The following SFI1 variants were observed in gnomAD, a reference collection of about 807,000 sequenced individuals.
SFI1 encodes the protein SFI1 centrin binding protein.
SFI1 carries 195 observed loss-of-function variants against 207.5 expected under a neutral mutation model. That is an observed-to-expected ratio of 0.94 (90% CI 0.84 to 1.06). The LOEUF (loss-of-function observed/expected upper bound fraction) is 1.06, where lower values mean the gene tolerates loss of function less well. Ranked by LOEUF, SFI1 falls within the 50% of genes least tolerant of loss-of-function variation. The pLI, the probability that SFI1 is intolerant of heterozygous loss-of-function variation, is 0.00. For missense variants in SFI1, 1,634 were observed against 1,588.0 expected, an observed-to-expected ratio of 1.03 and a Z score of -0.49; for synonymous variants, 630 against 598.9, an observed-to-expected ratio of 1.05 and a Z score of -0.76.
Position 31,589,556 on chromosome 22 carries a change from C to T in SFI1, c.1523C>T (p.Ala508Val). ...RWRHQENVLS[A>V]RATRFHRETL... ...CGCCACCAGGAAAATGTCCTCAGTG[C>T]AAGAGCAACACGTTTCCACAGGTAT... is the stretch of plus-strand genomic sequence containing the variant. Residue 508 changes from alanine to valine, a missense_variant, in exon 15 of 33, where the codon GCA becomes GTA. Physicochemically the swap from Ala to Val is moderately conservative, Grantham distance 64 (BLOSUM62 0). Transcript: ENST00000400288. 1.2e-6 allele frequency: 2 copies of T among 1,613,454 alleles called. No individual in the cohort carries two copies. Among genetic ancestry groups the T allele is most frequent in the Non-Finnish European group, 1.7e-6 (2 of 1,179,880 alleles).
intron 8 of SFI1, 112 bp from the exon 9 acceptor site, chr22:31,572,946 T>C (rs2145846385): frequency 9.0e-7 from 1 of 1,114,300 alleles, no homozygotes; most frequent in East Asian, 2.4e-5. Context: ...CACTTCCTTG[T>C]TTCTAATTTC....
rs1164909840 is a variant in SFI1, at chr22:31,496,642, G to A, written c.-31+5G>A. On this transcript the variant is annotated splice_donor_5th_base_variant and intron_variant, in intron 1 of 32. Transcript: ENST00000400288. ...CCGATGGCTCGGCTTCCCCAGGTAC[G>A]AGGCCCGGCCCTAACGTCCCCACCC... The A allele has an allele frequency of 1.3e-5, 2 of 152,306 alleles. No homozygotes were observed. The highest frequency in any genetic ancestry group is 1.3e-4 in the Admixed American group (2 of 15,288). The allele number at this position is 152,306 out of a possible 1,614,324, so 9.4% of individuals were successfully genotyped here. A position where few individuals can be genotyped will look rare whatever the true frequency, so the allele number is the denominator to read the frequency against.
rs1023474233 is a variant in SFI1 at position 31,546,628 on chromosome 22, C to CTTTT, written c.339-216_339-213dup. 1.2e-3 allele frequency among the ~76,000 whole-genome samples: 148 copies of CTTTT among 120,194 alleles called. 1 individual carries two copies. The highest frequency in any genetic ancestry group is 2.3e-3 in the African/African-American group (76 of 32,616). The allele number at this position is 120,194 out of a possible 152,430, so 78.9% of individuals were successfully genotyped here. A position where few individuals can be genotyped will look rare whatever the true frequency, so the allele number is the denominator to read the frequency against. On this transcript the variant is annotated intron_variant, in intron 4 of 32. Coordinates refer to ENST00000400288, the MANE Select transcript of SFI1 (RefSeq NM_001007467.3). ...AGGCACTGCGCCCGACCGATGTTTA[C>CTTTT]TTTTTTTTTTTTTTTTTTTTAGTAG...
intron 22 of SFI1, among the ~76,000 whole-genome samples, chr22:31,608,651 GAAA>G (rs1556355284): frequency 1.0e-3 from 83 of 80,004 alleles, no homozygotes; most frequent in African/African-American, 5.0e-3. Context: ...GAGAAATAAA[GAAA>G]AGAAGCTGGA....
At chr22:31,538,730 C>G (rs1172036474) in intron 4 of SFI1, 2 of 152,256 alleles carry the variant, frequency 1.3e-5, no homozygotes, top group Non-Finnish European at 2.9e-5. Context: ...GTTCTAGTTA[C>G]CATCCTCTTG....
intron 1 of SFI1, among the ~76,000 whole-genome samples, chr22:31,498,507 T>A (rs538302434): frequency 4.1e-4 from 62 of 151,164 alleles, no homozygotes; most frequent in African/African-American, 1.5e-3. Flanking sequence ...AAAAATTAGC[T>A]GGGTGTGGTG....
intron 11 of SFI1, among the ~76,000 whole-genome samples, chr22:31,579,058 C>G (rs1188346143): frequency 6.6e-6 from 1 of 152,150 alleles, no homozygotes; most frequent in African/African-American, 2.4e-5. Flanking sequence ...CTTCTGGGCT[C>G]AAGCAATCCT....
intron 4 of SFI1, among the ~76,000 whole-genome samples, chr22:31,544,759 A>G (rs917004197): frequency 4.6e-5 from 7 of 152,158 alleles, no homozygotes; most frequent in Non-Finnish European, 1.0e-4. Flanking sequence ...TGTCTCCAAA[A>G]AAAAGTCAGA....
At chr22:31,587,301 A>ATTTGTTTTTTTT (rs57657629) in intron 14 of SFI1, 92 of 351,568 alleles carry the variant, frequency 2.6e-4, no homozygotes, top group Non-Finnish European at 3.9e-4. Context: ...ATGCCAATTT[A>ATTTGTTTTTTTT]TTTGTTTTGT....
At position 31,613,485 on chromosome 22, in the gene SFI1, C is replaced by T. The variant is rs375385233; in HGVS notation, c.2697C>T (p.Ser899=). ...CGCGGCTCCTGCGCTTTGCAGCCAGCATGAAGGCCTCCCGGCAGCAGCTGC... is the reference window on the plus strand; with the variant it reads ...CGCGGCTCCTGCGCTTTGCAGCCAGTATGAAGGCCTCCCGGCAGCAGCTGC... The part of the protein sequence containing the change: ...GATRLLRFAA[S]MKASRQQLQA... The change falls in exon 26 of 33, where the codon AGC becomes AGT. Residue 899 remains serine, a synonymous_variant. Transcript: ENST00000400288. 3.3e-4 allele frequency: 523 copies of T among 1,598,414 alleles called. 1 individual carries two copies. Among genetic ancestry groups the T allele is most frequent in the Admixed American group, 6.4e-4 (38 of 59,288 alleles).
intron 2 of SFI1, among the ~76,000 whole-genome samples, chr22:31,523,794 G>C (rs541633953): frequency 3.3e-5 from 5 of 152,216 alleles, no homozygotes; most frequent in African/African-American, 1.2e-4. Context: ...CTTCAAATCT[G>C]TGGAATCAGG....
intron 20 of SFI1, chr22:31,605,171 T>C (rs2068759333): frequency 2.6e-6 from 1 of 384,104 alleles, no homozygotes; most frequent in Non-Finnish European, 4.7e-6. Flanking sequence ...GTTACCTGCA[T>C]GCCTTAAAGG....
chr22:31,582,377 A>G (rs2064443962), intron 12 of SFI1, among the ~76,000 whole-genome samples: 1 of 145,072 alleles, frequency 6.9e-6, no homozygotes, highest in Non-Finnish European at 1.5e-5. Flanking sequence ...TCAGCCTCCC[A>G]GGTAGCTGGG....
chr22:31,553,551 T>TTTTC, intron 6 of SFI1, among the ~76,000 whole-genome samples: 1 of 139,230 alleles, frequency 7.2e-6, no homozygotes, highest in African/African-American at 2.7e-5. Context: ...TTTTTTTTTT[T>TTTTC]CAGTAGAGAC....
chr22:31,513,561 C>CGTTTTGTTTTGTTCT (rs2055960713), intron 2 of SFI1, among the ~76,000 whole-genome samples: 4 of 146,132 alleles, frequency 2.7e-5, no homozygotes, highest in African/African-American at 7.6e-5. Flanking sequence ...TTTGGTTTTT[C>CGTTTTGTTTTGTTCT]GTTTTGTTTT....
rs2071212931 is a variant in SFI1 at position 31,615,254 on chromosome 22, C to T, written c.3275C>T (p.Pro1092Leu). 2.6e-6 allele frequency: 4 copies of T among 1,510,564 alleles called. No individual in the cohort carries two copies. The highest frequency in any genetic ancestry group is 3.5e-6 in the Non-Finnish European group (4 of 1,136,730). 93.6% of individuals were successfully genotyped at this position (1,510,564 alleles called of 1,614,324 possible). Residue 1092 changes from proline (P) to leucine (L), a missense_variant, in exon 29 of 33, where the codon CCC becomes CTC. Pro to Leu is a moderately conservative substitution (Grantham distance 98). Transcript: ENST00000400288. ...CTGCTGCCTCTTTCCTCCTTCATGC[C>T]CTGCGGGGCGGCTGCACCAGCCAGG... ...LLLLPLSSFMPCGAAAPARVS... is the reference protein window; with the variant it reads ...LLLLPLSSFMLCGAAAPARVS...
In SFI1 at chr22:31,553,513, C is replaced by A. The variant is rs193128642; in HGVS notation, c.544+3165C>A. ...TGGGACTACATGGTGCGCTACCATG[C>A]CCAGCTAATTTTTGTATTTTTTTTT... is the stretch of plus-strand genomic sequence containing the variant. On this transcript the variant is annotated intron_variant, in intron 6 of 32. Transcript: ENST00000400288. Among the ~76,000 whole-genome samples, 1,449 of 149,368 alleles carry A rather than the reference C, an allele frequency of 9.7e-3. 7 individuals carry two copies. The highest frequency in any genetic ancestry group is 0.031 in the Middle Eastern group (9 of 292).
At chr22:31,609,517 TAAATTGGCCCATAGAG>T (rs1314283769) in intron 22 of SFI1, among the ~76,000 whole-genome samples, 3 of 152,236 alleles carry the variant, frequency 2.0e-5, no homozygotes, top group Non-Finnish European at 2.9e-5. Context: ...AGAAATTGTT[TAAATTGGCCCATAGAG>T]AAATTGACCA....
chr22:31,608,294 C>A (rs971767730), intron 22 of SFI1, among the ~76,000 whole-genome samples: 1 of 152,162 alleles, frequency 6.6e-6, no homozygotes, highest in Non-Finnish European at 1.5e-5. Flanking sequence ...CTTGCCTCTC[C>A]CAGCTTGTTT....
Sources: gnomAD v4.1 joint callset for allele counts (sites outside exome capture counted in the v4.1 genomes callset) on GRCh38, gnomAD v4.1.1 for gene constraint, MANE v1.5 for transcripts, NCBI Gene and HGNC (gene_info 2026-07-23, HGNC 2026-07-21) for gene names.